The following CDCP1 variants were observed in gnomAD, a reference collection of about 807,000 sequenced individuals.
The protein encoded by CDCP1 is CUB domain containing protein 1, also known as CUB domain-containing protein 1.
CDCP1 carries 29 observed loss-of-function variants against 60.2 expected under a neutral mutation model. That is an observed-to-expected ratio of 0.48 (90% CI 0.36 to 0.66). The LOEUF (loss-of-function observed/expected upper bound fraction) is 0.66, where lower values mean the gene tolerates loss of function less well. CDCP1 is among the 30% of genes least tolerant of loss of function. The pLI, the probability that CDCP1 is intolerant of heterozygous loss-of-function variation, is 0.00. For synonymous variants in CDCP1, 387 were observed against 431.1 expected (o/e 0.90, Z 1.27); for missense variants, 876 against 1,074.3 (o/e 0.82, Z 2.58).
At chr3:45,086,215 A>AGGACAGTAGTTTCAGTTTC in intron 8 of CDCP1, 148 bp from the exon 9 acceptor site, 1 of 708,760 alleles carries the variant, frequency 1.4e-6, no homozygotes, top group Non-Finnish European at 2.4e-6. Flanking sequence ...TTTGAAACTG[A>AGGACAGTAGTTTCAGTTTC]AACTACTGTC....
chr3:45,102,562 T>C (rs570533778), intron 4 of CDCP1, among the ~76,000 whole-genome samples: 23 of 150,326 alleles, frequency 1.5e-4, no homozygotes, highest in Non-Finnish European at 3.1e-4. Flanking sequence ...CCCAGCACTT[T>C]GGGAGGCTGA....
intron 4 of CDCP1, among the ~76,000 whole-genome samples, chr3:45,099,080 C>T (rs1036095220): frequency 1.1e-4 from 16 of 150,802 alleles, no homozygotes; most frequent in Middle Eastern, 3.5e-3. Flanking sequence ...CTTTGCTTCT[C>T]TCTTGGACTA....
chr3:45,120,100 A>G (rs959033711), intron 1 of CDCP1, among the ~76,000 whole-genome samples: 1 of 152,198 alleles, frequency 6.6e-6, no homozygotes. Flanking sequence ...ATGACATCTG[A>G]GTCCTCTTCA....
rs1192351213 is a variant in CDCP1, at chr3:45,083,706, T to C, written c.*1932A>G. On this transcript the variant is annotated 3_prime_UTR_variant, in exon 9 of 9. Transcript: ENST00000296129. ...AGGAGGATTGCTTGAGCCCAGGAGG[T>C]TGAGACCAGCCTGGGCAACATGGTG... The C allele has an allele frequency of 6.6e-6, 1 of 150,958 alleles. No individual in the cohort carries two copies. Among genetic ancestry groups the C allele is most frequent in the African/African-American group, 2.4e-5 (1 of 40,886 alleles). 9.4% of individuals were successfully genotyped at this position (150,958 alleles called of 1,614,324 possible).
intron 4 of CDCP1, among the ~76,000 whole-genome samples, chr3:45,102,743 C>T (rs1698500930): frequency 6.6e-6 from 1 of 152,090 alleles, no homozygotes; most frequent in African/African-American, 2.4e-5. Flanking sequence ...TCACTGCAGC[C>T]GCCGCCTCCT....
intron 4 of CDCP1, among the ~76,000 whole-genome samples, chr3:45,105,723 C>T (rs1391884039): frequency 2.0e-5 from 3 of 152,076 alleles, no homozygotes; most frequent in Admixed American, 1.3e-4. Context: ...GAATACTGTA[C>T]CATTAACTCA....
At chr3:45,130,572 C>T (rs1284389215) in intron 1 of CDCP1, among the ~76,000 whole-genome samples, 1 of 152,212 alleles carries the variant, frequency 6.6e-6, no homozygotes, top group Non-Finnish European at 1.5e-5. Context: ...GGCATAAGGT[C>T]TCATCCACAG....
At chr3:45,132,876 C>G (rs1473467583) in intron 1 of CDCP1, among the ~76,000 whole-genome samples, 4 of 152,200 alleles carry the variant, frequency 2.6e-5, no homozygotes, top group Non-Finnish European at 5.9e-5. Flanking sequence ...GACTCACATC[C>G]TTGTAGAATC....
chr3:45,113,025 C>T (rs1698725934), intron 2 of CDCP1, among the ~76,000 whole-genome samples: 1 of 152,180 alleles, frequency 6.6e-6, no homozygotes, highest in African/African-American at 2.4e-5. Context: ...AGATTAAGTT[C>T]CTGGGGTCCA....
chr3:45,089,275 A>G (rs561377342), intron 7 of CDCP1, 134 bp from the exon 8 acceptor site: 7 of 676,468 alleles, frequency 1.0e-5, no homozygotes, highest in Non-Finnish European at 5.4e-6. Context: ...TTGTGTGCAC[A>G]TGGGGCTCCT....
chr3:45,088,060 G>A (rs374216356), intron 8 of CDCP1, among the ~76,000 whole-genome samples: 3 of 152,064 alleles, frequency 2.0e-5, no homozygotes, highest in Admixed American at 6.5e-5. Flanking sequence ...TTTTTGGAAG[G>A]TCAAACCATG....
intron 8 of CDCP1, among the ~76,000 whole-genome samples, chr3:45,088,676 T>C (rs910835431): frequency 2.0e-5 from 3 of 152,112 alleles, no homozygotes; most frequent in Admixed American, 6.5e-5. Flanking sequence ...TTCGTTCTCC[T>C]TAGGGTGACG....
chr3:45,106,632 G>T (rs1387917679), intron 4 of CDCP1, among the ~76,000 whole-genome samples: 1 of 152,190 alleles, frequency 6.6e-6, no homozygotes, highest in Non-Finnish European at 1.5e-5. Flanking sequence ...TTAGTAAGAT[G>T]CAGACGTGGA....
At chr3:45,123,353 G>C (rs1576109696) in intron 1 of CDCP1, among the ~76,000 whole-genome samples, 2 of 152,174 alleles carry the variant, frequency 1.3e-5, no homozygotes, top group East Asian at 3.9e-4. Flanking sequence ...ATTTGGGCTT[G>C]AGTAATCCCC....
intron 4 of CDCP1, among the ~76,000 whole-genome samples, chr3:45,102,366 G>A (rs1698495844): frequency 6.6e-6 from 1 of 151,890 alleles, no homozygotes; most frequent in African/African-American, 2.4e-5. Flanking sequence ...CACCTTGCCT[G>A]GCATATATTC....
rs1698679433 is a variant in CDCP1, at chr3:45,110,853, G to A, written c.656-12C>T. 6.2e-7 allele frequency: 1 copy of A among 1,600,470 alleles called. No individual in the cohort carries two copies. Among genetic ancestry groups the A allele is most frequent in the South Asian group, 1.1e-5 (1 of 90,150 alleles). On this transcript the variant is annotated splice_polypyrimidine_tract_variant and intron_variant, in intron 3 of 8. Coordinates refer to ENST00000296129, the MANE Select transcript of CDCP1 (RefSeq NM_022842.5). Reference sequence around the variant, plus strand: ...GATGATGCACAGACCTAGTGGGAGTGGAACCCAAACCAGAAAGAATAGGGA... The same window carrying A: ...GATGATGCACAGACCTAGTGGGAGTAGAACCCAAACCAGAAAGAATAGGGA...
intron 8 of CDCP1, among the ~76,000 whole-genome samples, chr3:45,087,788 G>T (rs1220534775): frequency 6.6e-6 from 1 of 152,198 alleles, no homozygotes; most frequent in Non-Finnish European, 1.5e-5. Flanking sequence ...GGGAGGCCGA[G>T]GCGGGTGGAT....
At position 45,137,652 on chromosome 3, in the gene CDCP1, CAA is replaced by C. The variant is rs55725243; in HGVS notation, c.82+8552_82+8553del. 1.4e-3 allele frequency among the ~76,000 whole-genome samples: 167 copies of C among 118,124 alleles called. 1 individual carries two copies. The highest frequency in any genetic ancestry group is 4.3e-3 in the African/African-American group (133 of 30,818). The allele number at this position is 118,124 out of a possible 152,430, so 77.5% of individuals were successfully genotyped here. On this transcript the variant is annotated intron_variant, in intron 1 of 8. Coordinates refer to ENST00000296129, the MANE Select transcript of CDCP1 (RefSeq NM_022842.5). Reference sequence around the variant, plus strand: ...TGAAACCCCATCTCTATTAAAAATACAAAAAAAAAAAAAAAAAATTAGCCAGG... The same window carrying C: ...TGAAACCCCATCTCTATTAAAAATACAAAAAAAAAAAAAAAATTAGCCAGG...
chr3:45,108,816 CATATATATGCATGT>C (rs1214189694), intron 4 of CDCP1, among the ~76,000 whole-genome samples: 8 of 33,536 alleles, frequency 2.4e-4, no homozygotes, highest in South Asian at 1.3e-3. Flanking sequence ...TGCATGTATA[CATATATATGCATGT>C]ATATATATAT....
Sources: allele counts gnomAD v4.1 joint callset (sites outside exome capture counted in the v4.1 genomes callset), GRCh38; gene constraint gnomAD v4.1.1; transcripts MANE v1.5; gene names NCBI Gene and HGNC (gene_info 2026-07-23, HGNC 2026-07-21).